ANKRD13C: variants seen among roughly 807,000 people sequenced by gnomAD.
The protein encoded by ANKRD13C is ankyrin repeat domain-containing protein 13C.
Under a neutral mutation model 65.5 loss-of-function variants are expected in ANKRD13C, and 16 were observed. That is an observed-to-expected ratio of 0.24 (90% CI 0.17 to 0.37). The LOEUF is 0.37. Ranked by LOEUF, ANKRD13C falls within the 10% of genes least tolerant of loss-of-function variation. ANKRD13C has a pLI of 1.00. For missense variants in ANKRD13C, 503 were observed against 655.9 expected (o/e 0.77, Z 2.55); for synonymous variants, 235 against 238.7 (o/e 0.98, Z 0.14).
chr1:70,287,532 G>A (rs1236309072), intron 9 of ANKRD13C, among the ~76,000 whole-genome samples: 1 of 152,088 alleles, frequency 6.6e-6, no homozygotes, highest in Non-Finnish European at 1.5e-5. Flanking sequence ...CCTGGAGCTA[G>A]GCAAAAAGTT....
rs1483002869 is a variant in ANKRD13C at position 70,259,258 on chromosome 1, T to C, written c.*3459A>G. On this transcript the variant is annotated 3_prime_UTR_variant, in exon 13 of 13. Transcript: ENST00000370944. ...GGTGGGTTTTATCTTTTTGGTTTTA[T>C]GTTAGACAATATTTCTACTCTAATT... 6.6e-6 allele frequency among the ~76,000 whole-genome samples: 1 copy of C among 152,214 alleles called. No homozygotes were observed. Among genetic ancestry groups the C allele is most frequent in the Non-Finnish European group, 1.5e-5 (1 of 68,024 alleles).
intron 2 of ANKRD13C, among the ~76,000 whole-genome samples, chr1:70,334,144 C>T (rs968483702): frequency 5.9e-5 from 9 of 151,948 alleles, no homozygotes; most frequent in African/African-American, 1.9e-4. Flanking sequence ...GGCAACATAG[C>T]GAGACCTCAT....
intron 6 of ANKRD13C, 32 bp from the exon 7 acceptor site, chr1:70,300,940 C>G: frequency 6.3e-7 from 1 of 1,583,158 alleles, no homozygotes; most frequent in Non-Finnish European, 8.6e-7. Flanking sequence ...TAAACTCTGA[C>G]AAATATAATT....
chr1:70,334,346 C>T (rs560732764), intron 2 of ANKRD13C, among the ~76,000 whole-genome samples: 1 of 152,024 alleles, frequency 6.6e-6, no homozygotes, highest in African/African-American at 2.4e-5. Context: ...ATTATATTAT[C>T]CTGTGGATCA....
chr1:70,273,448 A>G (rs1678983809), intron 11 of ANKRD13C, among the ~76,000 whole-genome samples: 1 of 152,184 alleles, frequency 6.6e-6, no homozygotes, highest in Non-Finnish European at 1.5e-5. Context: ...CTCCAAATAG[A>G]GTATTTTTAA....
Position 70,354,015 on chromosome 1 carries a change from T to C in ANKRD13C, c.394A>G (p.Ile132Val). The C allele has an allele frequency of 6.4e-7, 1 of 1,551,326 alleles. No homozygotes were observed. The highest frequency in any genetic ancestry group is 1.2e-5 in the South Asian group (1 of 80,460). Residue 132 changes from isoleucine to valine, a missense_variant, in exon 1 of 13, where the codon ATC becomes GTC. This residue lies in a region of ANKRD13C where 203 missense variants were observed against 177.6 expected (regional missense o/e 1.14). Coordinates refer to ENST00000370944, the MANE Select transcript of ANKRD13C (RefSeq NM_030816.5). The part of the protein sequence containing the change: ...KGDVRRLSSL[I>V]RTHNIGQKDN... ...TTCTGCCCGATATTGTGCGTGCGGATGAGAGAGGAGAGTCTCCTCACATCC... is the reference window on the plus strand; with the variant it reads ...TTCTGCCCGATATTGTGCGTGCGGACGAGAGAGGAGAGTCTCCTCACATCC...
intron 9 of ANKRD13C, among the ~76,000 whole-genome samples, chr1:70,280,333 G>A (rs960162427): frequency 3.9e-5 from 6 of 152,098 alleles, no homozygotes; most frequent in African/African-American, 1.4e-4. Flanking sequence ...GTCTAAAAAA[G>A]AACAAAAGAA....
At chr1:70,296,477 A>T (rs1680086080) in intron 7 of ANKRD13C, among the ~76,000 whole-genome samples, 1 of 152,226 alleles carries the variant, frequency 6.6e-6, no homozygotes. Flanking sequence ...ACTAATTATG[A>T]ATCTATAAAA....
intron 7 of ANKRD13C, 26 bp downstream of exon 7, chr1:70,300,738 G>T: frequency 1.3e-6 from 2 of 1,539,692 alleles, no homozygotes; most frequent in South Asian, 1.3e-5. Flanking sequence ...TGATTTAAAG[G>T]AATATTGATA....
intron 7 of ANKRD13C, among the ~76,000 whole-genome samples, chr1:70,297,790 G>A (rs1234712235): frequency 6.6e-6 from 1 of 150,572 alleles, no homozygotes; most frequent in African/African-American, 2.4e-5. Context: ...GCACGCGCCT[G>A]TAGTCCCAGC....
At chr1:70,276,869 AGT>A in intron 9 of ANKRD13C, 25 bp from the exon 10 acceptor site, 1 of 1,547,142 alleles carries the variant, frequency 6.5e-7, no homozygotes, top group Non-Finnish European at 8.8e-7. Flanking sequence ...AAAGAAAGAA[AGT>A]GGGGTGGGGG....
At chr1:70,343,770 T>G (rs1682411451) in intron 1 of ANKRD13C, among the ~76,000 whole-genome samples, 1 of 152,168 alleles carries the variant, frequency 6.6e-6, no homozygotes, top group Non-Finnish European at 1.5e-5. Context: ...ATTCCTAGCC[T>G]CAAGTGATCC....
At chr1:70,264,820 G>C (rs1558255890) in intron 12 of ANKRD13C, among the ~76,000 whole-genome samples, 2 of 152,148 alleles carry the variant, frequency 1.3e-5, no homozygotes, top group Non-Finnish European at 2.9e-5. Flanking sequence ...GTAGAATAGG[G>C]AGTCTCAGTG....
At chr1:70,312,137 GTTAA>G (rs960858903) in intron 5 of ANKRD13C, among the ~76,000 whole-genome samples, 1 of 152,106 alleles carries the variant, frequency 6.6e-6, no homozygotes, top group Non-Finnish European at 1.5e-5. Flanking sequence ...AAGTATAATT[GTTAA>G]TTAAAGTTTA....
rs1304904689 is a variant in ANKRD13C at position 70,346,537 on chromosome 1, G to C, written c.430+7442C>G. On this transcript the variant is annotated intron_variant, in intron 1 of 12. Transcript: ENST00000370944. ...TAACTATAGAACAAAGCAGGAAATT[G>C]CAAGTACTAGTACAGAGCTCCAGGT... 3.9e-5 allele frequency among the ~76,000 whole-genome samples: 6 copies of C among 152,228 alleles called. No homozygotes were observed. The East Asian group carries it at 9.7e-4, about 25-fold the overall frequency.
At chr1:70,321,481 A>G (rs1265700921) in intron 3 of ANKRD13C, among the ~76,000 whole-genome samples, 1 of 152,202 alleles carries the variant, frequency 6.6e-6, no homozygotes, top group Non-Finnish European at 1.5e-5. Flanking sequence ...CCACAAAAAT[A>G]AGACAAAGGC....
intron 3 of ANKRD13C, among the ~76,000 whole-genome samples, chr1:70,315,994 C>G (rs1186725494): frequency 6.6e-6 from 1 of 152,152 alleles, no homozygotes; most frequent in Non-Finnish European, 1.5e-5. Flanking sequence ...CAAACTCATT[C>G]AAATGATGCA....
rs1202717928 is a variant in ANKRD13C at position 70,262,616 on chromosome 1, C to A, written c.*101G>T. 3.9e-6 allele frequency: 5 copies of A among 1,286,950 alleles called. No individual in the cohort carries two copies. The highest frequency in any genetic ancestry group is 5.2e-6 in the Non-Finnish European group (5 of 953,360). The allele number at this position is 1,286,950 out of a possible 1,614,324, so 79.7% of individuals were successfully genotyped here. A position where few individuals can be genotyped will look rare whatever the true frequency, so the allele number is the denominator to read the frequency against. The stretch of plus-strand genomic sequence containing the variant: ...TGATGTGTCGATTCAATGTGTAATT[C>A]CCTTTTCTTCACTGAAAGCATTTGT... On this transcript the variant is annotated 3_prime_UTR_variant, in exon 13 of 13. Coordinates refer to ENST00000370944, the MANE Select transcript of ANKRD13C (RefSeq NM_030816.5).
At chr1:70,344,246 G>A (rs1399397996) in intron 1 of ANKRD13C, among the ~76,000 whole-genome samples, 5 of 146,410 alleles carry the variant, frequency 3.4e-5, no homozygotes, top group South Asian at 2.2e-4. Context: ...GCAGTGAGCC[G>A]AGATCATGCC....
Sources: allele counts gnomAD v4.1 joint callset (sites outside exome capture counted in the v4.1 genomes callset), GRCh38; gene constraint gnomAD v4.1.1; regional missense constraint gnomAD v4.1.1; transcripts MANE v1.5; gene names NCBI Gene and HGNC (gene_info 2026-07-23, HGNC 2026-07-21).